OTUD7A: variants seen among roughly 807,000 people sequenced by gnomAD.
The protein encoded by OTUD7A is OTU domain-containing protein 7A.
Under a neutral mutation model 65.7 loss-of-function variants are expected in OTUD7A, and 12 were observed. That is an observed-to-expected ratio of 0.18 (90% CI 0.12 to 0.30). The LOEUF (loss-of-function observed/expected upper bound fraction) is 0.30, where lower values mean the gene tolerates loss of function less well. Among genes scored for constraint, OTUD7A ranks in the 10% least tolerant of loss-of-function variants. The pLI is 1.00. For synonymous variants in OTUD7A, 641 were observed against 586.3 expected, an observed-to-expected ratio of 1.09 and a Z score of -1.35; for missense variants, 1,148 against 1,304.8, an observed-to-expected ratio of 0.88 and a Z score of 1.85.
intron 1 of OTUD7A, among the ~76,000 whole-genome samples, chr15:31,779,616 G>C (rs1217368743): frequency 6.6e-6 from 1 of 152,176 alleles, no homozygotes; most frequent in Non-Finnish European, 1.5e-5. Context: ...GGATCTCAGA[G>C]CCTGGGAAAG....
intron 3 of OTUD7A, among the ~76,000 whole-genome samples, chr15:31,640,399 C>T (rs1020039038): frequency 1.3e-5 from 2 of 151,638 alleles, no homozygotes; most frequent in Non-Finnish European, 2.9e-5. Flanking sequence ...CAATAACCTA[C>T]GGAAATAAAA....
At chr15:31,497,824 TC>T (rs1357223418) in intron 10 of OTUD7A, among the ~76,000 whole-genome samples, 1 of 152,176 alleles carries the variant, frequency 6.6e-6, no homozygotes, top group African/African-American at 2.4e-5. Flanking sequence ...GGATGGTTCC[TC>T]CTTTCTCAAT....
Position 31,747,811 on chromosome 15 carries a change from A to G in OTUD7A, c.-99-90734T>C, listed in dbSNP as rs544860836. Among the ~76,000 whole-genome samples the G allele has an allele frequency of 8.4e-4, 128 of 152,336 alleles. 1 individual carries two copies. The highest frequency in any genetic ancestry group is 2.9e-3 in the African/African-American group (121 of 41,570). Reference sequence around the variant, plus strand: ...CCTTAACCAAGTGACCAAAATTAACATAACCAGTAATGGGACAAATCAACA... The same window carrying G: ...CCTTAACCAAGTGACCAAAATTAACGTAACCAGTAATGGGACAAATCAACA... On this transcript the variant is annotated intron_variant, in intron 1 of 12. Coordinates refer to ENST00000307050, the MANE Select transcript of OTUD7A (RefSeq NM_001382637.1).
intron 3 of OTUD7A, among the ~76,000 whole-genome samples, chr15:31,581,499 T>C (rs939514249): frequency 1.3e-5 from 2 of 152,246 alleles, no homozygotes; most frequent in African/African-American, 4.8e-5. Flanking sequence ...CAGTAAACTT[T>C]TGCATGGACA....
At chr15:31,713,300 A>C (rs1217081837) in intron 1 of OTUD7A, among the ~76,000 whole-genome samples, 1 of 152,176 alleles carries the variant, frequency 6.6e-6, no homozygotes, top group African/African-American at 2.4e-5. Context: ...AGAGTTCTGA[A>C]ACAAGATGCC....
intron 3 of OTUD7A, among the ~76,000 whole-genome samples, chr15:31,602,618 A>G (rs1375724646): frequency 6.6e-6 from 1 of 152,208 alleles, no homozygotes; most frequent in African/African-American, 2.4e-5. Flanking sequence ...ATCAGGCAAG[A>G]GAAAGAAATA....
chr15:31,709,461 T>C (rs1470252005), intron 1 of OTUD7A, among the ~76,000 whole-genome samples: 1 of 152,166 alleles, frequency 6.6e-6, no homozygotes, highest in Admixed American at 6.5e-5. Context: ...CCGGATACAC[T>C]TGTGGCTCCA....
intron 1 of OTUD7A, among the ~76,000 whole-genome samples, chr15:31,775,217 T>C (rs1895345466): frequency 6.6e-6 from 1 of 152,020 alleles, no homozygotes; most frequent in Non-Finnish European, 1.5e-5. Context: ...ACTCAGCTGC[T>C]CAAGAAAATA....
At chr15:31,735,605 G>T (rs967880685) in intron 1 of OTUD7A, among the ~76,000 whole-genome samples, 3 of 151,830 alleles carry the variant, frequency 2.0e-5, no homozygotes, top group Admixed American at 6.6e-5. Flanking sequence ...TTTATACATT[G>T]CTGGTAGGAG....
chr15:31,854,196 T>G (rs1259229232), intron 1 of OTUD7A, among the ~76,000 whole-genome samples: 1 of 152,188 alleles, frequency 6.6e-6, no homozygotes, highest in Non-Finnish European at 1.5e-5. Flanking sequence ...GAGGCTGCCC[T>G]CATTCTTTGG....
At chr15:31,638,718 A>G (rs1488457934) in intron 3 of OTUD7A, among the ~76,000 whole-genome samples, 1 of 152,102 alleles carries the variant, frequency 6.6e-6, no homozygotes. Context: ...TATGCACTAG[A>G]AAACCAAAAA....
chr15:31,853,962 A>G (rs1897496026), intron 1 of OTUD7A, among the ~76,000 whole-genome samples: 1 of 152,234 alleles, frequency 6.6e-6, no homozygotes, highest in African/African-American at 2.4e-5. Flanking sequence ...ATAAAGAAAC[A>G]GATAAAGTGA....
intron 1 of OTUD7A, among the ~76,000 whole-genome samples, chr15:31,844,672 G>A (rs144466929): frequency 8.5e-5 from 13 of 152,242 alleles, no homozygotes; most frequent in African/African-American, 2.6e-4. Context: ...CCAGTAACGT[G>A]TCCCTCAAAA....
At chr15:31,741,323 A>AT (rs1445874868) in intron 1 of OTUD7A, among the ~76,000 whole-genome samples, 1 of 152,190 alleles carries the variant, frequency 6.6e-6, no homozygotes, top group East Asian at 1.9e-4. Flanking sequence ...CAACTTCATA[A>AT]TTTTTTAAAA....
rs1395481339 is a variant in OTUD7A, at chr15:31,476,068, G to A, written c.*7226C>T. The A allele has an allele frequency of 1.3e-5, 2 of 152,214 alleles. No individual in the cohort carries two copies. The highest frequency in any genetic ancestry group is 2.4e-5 in the African/African-American group (1 of 41,464). The allele number at this position is 152,214 out of a possible 1,614,324, so 9.4% of individuals were successfully genotyped here. ...AATGGAGTTCAAACTCCGTAGATGAGGCAGTAACAGGTCACTAAGGAGCTT... is the reference window on the plus strand; with the variant it reads ...AATGGAGTTCAAACTCCGTAGATGAAGCAGTAACAGGTCACTAAGGAGCTT... On this transcript the variant is annotated 3_prime_UTR_variant, in exon 13 of 13. Coordinates refer to ENST00000307050, the MANE Select transcript of OTUD7A (RefSeq NM_001382637.1).
intron 5 of OTUD7A, among the ~76,000 whole-genome samples, chr15:31,548,437 G>C (rs1888207812): frequency 6.6e-6 from 1 of 152,154 alleles, no homozygotes; most frequent in Non-Finnish European, 1.5e-5. Flanking sequence ...GTGGCAGAAA[G>C]TATCCTGAGG....
At position 31,604,311 on chromosome 15, in the gene OTUD7A, G is replaced by A. The variant is rs113317941; in HGVS notation, c.152-34114C>T. 2.5e-3 allele frequency among the ~76,000 whole-genome samples: 386 copies of A among 152,226 alleles called. 2 individuals carry two copies. Among genetic ancestry groups the A allele is most frequent in the African/African-American group, 8.9e-3 (369 of 41,538 alleles). On this transcript the variant is annotated intron_variant, in intron 3 of 12. Transcript: ENST00000307050. Reference sequence around the variant, plus strand: ...CCTTTGCAGGGACATGGATGAAGCCGGAAACCATCATTATCAGCAAACTAA... The same window carrying A: ...CCTTTGCAGGGACATGGATGAAGCCAGAAACCATCATTATCAGCAAACTAA...
intron 8 of OTUD7A, among the ~76,000 whole-genome samples, chr15:31,519,781 T>C (rs1412496578): frequency 1.3e-5 from 2 of 152,192 alleles, no homozygotes; most frequent in Non-Finnish European, 2.9e-5. Context: ...CTGTTATATT[T>C]GATACACAAA....
chr15:31,516,016 A>G (rs2041848294), intron 8 of OTUD7A, among the ~76,000 whole-genome samples: 1 of 152,068 alleles, frequency 6.6e-6, no homozygotes, highest in South Asian at 2.1e-4. Flanking sequence ...CCATTCAACC[A>G]TCTATCTGCC....
Sources: gnomAD v4.1 joint callset for allele counts (sites outside exome capture counted in the v4.1 genomes callset) on GRCh38, gnomAD v4.1.1 for gene constraint, MANE v1.5 for transcripts, NCBI Gene and HGNC (gene_info 2026-07-23, HGNC 2026-07-21) for gene names.